Variants in ZNF326 observed in about 807,000 individuals in gnomAD.
ZNF326 encodes DBIRD complex subunit ZNF326.
In ZNF326, 30 loss-of-function variants were observed where a neutral mutation model predicts 63.1. That is an observed-to-expected ratio of 0.48 (90% CI 0.36 to 0.64). ZNF326 has a LOEUF of 0.64. ZNF326 is among the 30% of genes least tolerant of loss of function. The pLI, the probability that ZNF326 is intolerant of heterozygous loss-of-function variation, is 0.00. For missense variants in ZNF326, 609 were observed against 720.3 expected, an observed-to-expected ratio of 0.85 and a Z score of 1.77; for synonymous variants, 194 against 228.2, an observed-to-expected ratio of 0.85 and a Z score of 1.35.
chr1:89,996,088 C>T (rs953619248), intron 1 of ZNF326, among the ~76,000 whole-genome samples: 2 of 152,176 alleles, frequency 1.3e-5, no homozygotes, highest in Non-Finnish European at 2.9e-5. Flanking sequence ...GTCTCAGATA[C>T]TAATTCTTTA....
At chr1:90,027,021 T>A (rs981044955) in intron 11 of ZNF326, among the ~76,000 whole-genome samples, 5 of 152,042 alleles carry the variant, frequency 3.3e-5, no homozygotes, top group African/African-American at 1.2e-4. Context: ...GCATCATCCC[T>A]TTGTTTCTAC....
rs1462409178 is a variant in ZNF326 at position 90,030,160 on chromosome 1, C to G, written c.*2459C>G. 6.6e-6 allele frequency: 1 copy of G among 152,226 alleles called. No individual in the cohort carries two copies. Among genetic ancestry groups the G allele is most frequent in the Non-Finnish European group, 1.5e-5 (1 of 68,038 alleles). 9.4% of individuals were successfully genotyped at this position (152,226 alleles called of 1,614,324 possible). Reference sequence around the variant, plus strand: ...TTCTACCTACAGTCTACCAAAAAGTCTGTCTGTTCTACTTCCAAAATTTAT... The same window carrying G: ...TTCTACCTACAGTCTACCAAAAAGTGTGTCTGTTCTACTTCCAAAATTTAT... On this transcript the variant is annotated 3_prime_UTR_variant, in exon 12 of 12. Transcript: ENST00000340281.
At chr1:90,001,312 C>T (rs1648664082) in intron 2 of ZNF326, among the ~76,000 whole-genome samples, 1 of 152,168 alleles carries the variant, frequency 6.6e-6, no homozygotes, top group South Asian at 2.1e-4. Context: ...TTGGAGGTTA[C>T]TGAGCATTGA....
In ZNF326 at chr1:90,028,670, A is replaced by C. The variant is rs1006164058; in HGVS notation, c.*969A>C. 1.3e-5 allele frequency: 2 copies of C among 152,298 alleles called. No individual in the cohort carries two copies. Among genetic ancestry groups the C allele is most frequent in the South Asian group, 4.1e-4 (2 of 4,824 alleles). 9.4% of individuals were successfully genotyped at this position (152,298 alleles called of 1,614,324 possible). On this transcript the variant is annotated 3_prime_UTR_variant, in exon 12 of 12. Coordinates refer to ENST00000340281, the MANE Select transcript of ZNF326 (RefSeq NM_182976.4). ...TAAAAAATTCCTTTTTATGGCTTAT[A>C]TACCTACATATTTAAAAAGAGAACA...
intron 7 of ZNF326, 126 bp downstream of exon 7, chr1:90,013,363 G>A (rs1321416132): frequency 1.4e-6 from 1 of 720,326 alleles, no homozygotes; most frequent in Non-Finnish European, 2.1e-6. Flanking sequence ...AAGATACAGA[G>A]GAATGCTTTT....
Position 90,027,628 on chromosome 1 carries a change from T to C in ZNF326, c.1676T>C (p.Val559Ala), listed in dbSNP as rs1235310332. Residue 559 changes from valine to alanine, a missense_variant, in exon 12 of 12, where the codon GTA (valine) becomes GCA (alanine). Transcript: ENST00000340281. The part of the protein sequence containing the change: ...EVEGVGEVEE[V>A]EELEEETAKE... ...GAGGGAGTGGGGGAAGTAGAGGAAG[T>C]AGAGGAATTAGAGGAAGAGACAGCA... is the stretch of plus-strand genomic sequence containing the variant. The C allele has an allele frequency of 1.7e-5, 28 of 1,613,402 alleles. No individual in the cohort carries two copies. The highest frequency in any genetic ancestry group is 4.5e-5 in the East Asian group (2 of 44,830).
chr1:89,995,226 G>T lies in ZNF326; in HGVS notation c.-32G>T. ...GCCGCCGGCCATAGCTCAGCCTAGC[G>T]CCGCCAAGGCCGACGGCCCTCAGCC... On this transcript the variant is annotated 5_prime_UTR_variant, in exon 1 of 12. Transcript: ENST00000340281. 6.5e-7 allele frequency: 1 copy of T among 1,542,018 alleles called. No homozygotes were observed.
chr1:90,027,059 G>A (rs2816877), intron 11 of ZNF326, among the ~76,000 whole-genome samples: 282 of 103,876 alleles, frequency 2.7e-3, no homozygotes, highest in African/African-American at 9.6e-3. Context: ...TTTGTCATGT[G>A]TATATATGTG....
rs780907730 is a variant in ZNF326, at chr1:90,032,016, A to C, written c.*4315A>C. The C allele has an allele frequency of 6.6e-6, 1 of 152,138 alleles. No individual in the cohort carries two copies. Among genetic ancestry groups the C allele is most frequent in the Non-Finnish European group, 1.5e-5 (1 of 68,042 alleles). The allele number at this position is 152,138 out of a possible 1,614,324, so 9.4% of individuals were successfully genotyped here. On this transcript the variant is annotated 3_prime_UTR_variant, in exon 12 of 12. Coordinates refer to ENST00000340281, the MANE Select transcript of ZNF326 (RefSeq NM_182976.4). ...TTATGGTCCCTACCCTCAGTGCTGT[A>C]TCTCTATTTGGTATTCAAACAAATC...
intron 2 of ZNF326, among the ~76,000 whole-genome samples, chr1:90,001,124 G>A (rs1410632872): frequency 2.0e-5 from 3 of 152,124 alleles, no homozygotes; most frequent in Admixed American, 1.3e-4. Context: ...AGCCTCCTTG[G>A]CCTCTATAAT....
At chr1:90,010,568 T>C (rs1367740889) in intron 6 of ZNF326, among the ~76,000 whole-genome samples, 1 of 152,080 alleles carries the variant, frequency 6.6e-6, no homozygotes, top group African/African-American at 2.4e-5. Context: ...AGATAAATAA[T>C]TTGCTGCCTA....
At chr1:90,016,519 C>T (rs1649510494) in intron 7 of ZNF326, among the ~76,000 whole-genome samples, 1 of 151,954 alleles carries the variant, frequency 6.6e-6, no homozygotes, top group Admixed American at 6.6e-5. Flanking sequence ...AGTTCAAGAC[C>T]AGCCTGGCCA....
intron 7 of ZNF326, among the ~76,000 whole-genome samples, chr1:90,013,618 G>C (rs1421453082): frequency 2.0e-5 from 3 of 152,160 alleles, no homozygotes; most frequent in Non-Finnish European, 2.9e-5. Flanking sequence ...GAGTAAATGA[G>C]TAGGTACTGG....
chr1:90,020,813 T>G lies in ZNF326; in HGVS notation c.1196T>G (p.Met399Arg). 6.2e-7 allele frequency: 1 copy of G among 1,611,756 alleles called. No homozygotes were observed. Among genetic ancestry groups the G allele is most frequent in the Non-Finnish European group, 8.5e-7 (1 of 1,178,736 alleles). Residue 399 changes from methionine to arginine, a missense_variant, in exon 10 of 12, where the codon ATG becomes AGG. This residue lies in a region of ZNF326 where 399 missense variants were observed against 444.3 expected (regional missense o/e 0.90). Transcript: ENST00000340281. ...GTAGGTGTTACTGTAGATGATCACA[T>G]GATGAAGGTAGAGACAGTTCATTGC... ...VMEGVTVDDH[M>R]MKVETVHCSA...
intron 2 of ZNF326, among the ~76,000 whole-genome samples, chr1:90,003,454 T>C (rs956876205): frequency 4.6e-5 from 7 of 152,170 alleles, no homozygotes; most frequent in Admixed American, 3.9e-4. Flanking sequence ...AGATAAAATT[T>C]GGACCTTTAC....
chr1:90,001,052 C>T (rs569625657), intron 2 of ZNF326, among the ~76,000 whole-genome samples: 2 of 152,262 alleles, frequency 1.3e-5, no homozygotes, highest in East Asian at 3.9e-4. Flanking sequence ...AAATTTCTTA[C>T]ATTTTGGACT....
chr1:90,005,814 T>G (rs1370145441), intron 4 of ZNF326: 12 of 985,376 alleles, frequency 1.2e-5, no homozygotes, highest in Non-Finnish European at 1.4e-5. Flanking sequence ...AGGTACTACT[T>G]ACACCAAAGC....
At chr1:90,009,957 A>G (rs1557521081) in intron 5 of ZNF326, 131 bp from the exon 6 acceptor site, 3 of 754,896 alleles carry the variant, frequency 4.0e-6, no homozygotes, top group Non-Finnish European at 6.3e-6. Flanking sequence ...CAGAATGGAC[A>G]TGTAAAATTT....
chr1:90,003,091 T>G (rs912895758), intron 2 of ZNF326, among the ~76,000 whole-genome samples: 8 of 152,014 alleles, frequency 5.3e-5, no homozygotes, highest in African/African-American at 1.9e-4. Context: ...ACAAATAATG[T>G]CGGTCGTTTT....
Sources: allele counts gnomAD v4.1 joint callset (sites outside exome capture counted in the v4.1 genomes callset), GRCh38; gene constraint gnomAD v4.1.1; regional missense constraint gnomAD v4.1.1; transcripts MANE v1.5; gene names NCBI Gene and HGNC (gene_info 2026-07-23, HGNC 2026-07-21).